The following LRBA variants were observed in gnomAD, a reference collection of about 807,000 sequenced individuals.
LRBA encodes lipopolysaccharide-responsive and beige-like anchor protein.
Under a neutral mutation model 330.0 loss-of-function variants are expected in LRBA, and 176 were observed. The observed-to-expected ratio is 0.53, with a 90% confidence interval of 0.47 to 0.60. The LOEUF (loss-of-function observed/expected upper bound fraction) is 0.60. Among genes scored for constraint, LRBA ranks in the 20% least tolerant of loss-of-function variants. LRBA has a pLI of 0.00. For synonymous variants in LRBA, 1,230 were observed against 1,193.0 expected (o/e 1.03, Z -0.64); for missense variants, 3,259 against 3,444.8 (o/e 0.95, Z 1.35).
chr4:150,480,913 T>C (rs1011792391), intron 42 of LRBA, among the ~76,000 whole-genome samples: 1 of 152,180 alleles, frequency 6.6e-6, no homozygotes, highest in East Asian at 1.9e-4. Context: ...CAGTGTTATA[T>C]AGAACTTTAG....
chr4:150,522,808 C>A (rs1260598402), intron 40 of LRBA, among the ~76,000 whole-genome samples: 2 of 152,198 alleles, frequency 1.3e-5, no homozygotes, highest in Non-Finnish European at 2.9e-5. Context: ...ACTTCTCCAC[C>A]TAGATTTTAA....
chr4:150,424,212 A>G (rs1185084853), intron 46 of LRBA, among the ~76,000 whole-genome samples: 1 of 152,230 alleles, frequency 6.6e-6, no homozygotes, highest in East Asian at 1.9e-4. Context: ...GCACAATTAA[A>G]TAAGAGAGCG....
intron 40 of LRBA, among the ~76,000 whole-genome samples, chr4:150,518,430 T>A (rs1762587509): frequency 6.6e-6 from 1 of 152,220 alleles, no homozygotes; most frequent in East Asian, 1.9e-4. Flanking sequence ...TAACTAAAAC[T>A]ATGGAAAGCA....
intron 2 of LRBA, among the ~76,000 whole-genome samples, chr4:150,935,433 T>C (rs1403932922): frequency 6.6e-6 from 1 of 152,080 alleles, no homozygotes; most frequent in Non-Finnish European, 1.5e-5. Flanking sequence ...AGGAGTGTAT[T>C]AAAACATACA....
chr4:150,312,042 G>T lies in LRBA; in HGVS notation c.7694-1658C>A, dbSNP rs141824115. 1.6e-3 allele frequency among the ~76,000 whole-genome samples: 251 copies of T among 152,138 alleles called. 3 individuals are homozygous for T. The highest frequency in any genetic ancestry group is 5.8e-3 in the African/African-American group (242 of 41,496). ...TCTTGTCAGTGTTTATGTGACTTTT[G>T]CTCCTATGATATAAACTTTCGCTGA... On this transcript the variant is annotated intron_variant, in intron 51 of 56. Transcript: ENST00000651943.
At chr4:150,711,649 C>A (rs575169207) in intron 36 of LRBA, among the ~76,000 whole-genome samples, 1 of 152,098 alleles carries the variant, frequency 6.6e-6, no homozygotes, top group Non-Finnish European at 1.5e-5. Context: ...TCACTACCTT[C>A]TAGAGAATAT....
chr4:150,931,443 C>G (rs1734491957), intron 2 of LRBA, among the ~76,000 whole-genome samples: 1 of 150,856 alleles, frequency 6.6e-6, no homozygotes, highest in Non-Finnish European at 1.5e-5. Flanking sequence ...AAGTGACATG[C>G]AAATAGAACA....
intron 44 of LRBA, among the ~76,000 whole-genome samples, chr4:150,467,304 C>A (rs1755566758): frequency 6.6e-6 from 1 of 152,098 alleles, no homozygotes; most frequent in African/African-American, 2.4e-5. Context: ...AAGAATTAAA[C>A]TTCTATCCTG....
chr4:150,808,974 C>T (rs1743206737), intron 31 of LRBA, among the ~76,000 whole-genome samples: 1 of 152,118 alleles, frequency 6.6e-6, no homozygotes, highest in Non-Finnish European at 1.5e-5. Flanking sequence ...AATAAGGGCC[C>T]TCTTTCCCAA....
chr4:150,977,759 G>A (rs1242384834), intron 2 of LRBA, among the ~76,000 whole-genome samples: 2 of 152,224 alleles, frequency 1.3e-5, no homozygotes, highest in African/African-American at 2.4e-5. Flanking sequence ...GCAGTAACCT[G>A]GCAGTATTCC....
At chr4:150,525,553 AG>A (rs1763373357) in intron 40 of LRBA, among the ~76,000 whole-genome samples, 1 of 152,196 alleles carries the variant, frequency 6.6e-6, no homozygotes, top group South Asian at 2.1e-4. Flanking sequence ...AAGGAACTAC[AG>A]GTTCACTTTA....
intron 38 of LRBA, among the ~76,000 whole-genome samples, chr4:150,594,006 C>A (rs921554877): frequency 6.6e-6 from 1 of 152,018 alleles, no homozygotes; most frequent in African/African-American, 2.4e-5. Context: ...AAGGTAACTT[C>A]TGAATTAAAG....
rs185145121 is a variant in LRBA at position 150,503,805 on chromosome 4, G to A, written c.6331-12770C>T. On this transcript the variant is annotated intron_variant, in intron 40 of 56. Transcript: ENST00000651943. ...GATCAAACTACGCTGAGCTACAGGA[G>A]GAAATTCGAACCAATGGCAAAGAAG... 4.8e-3 allele frequency among the ~76,000 whole-genome samples: 731 copies of A among 152,110 alleles called. 8 individuals carry two copies. Among genetic ancestry groups the A allele is most frequent in the African/African-American group, 0.017 (697 of 41,478 alleles).
intron 55 of LRBA, 76 bp downstream of exon 55, chr4:150,282,374 G>A (rs113716003): frequency 3.4e-5 from 46 of 1,343,896 alleles, no homozygotes; most frequent in South Asian, 1.3e-4. Flanking sequence ...GGTTTCTTTC[G>A]CGAACCCTCT....
At position 150,592,144 on chromosome 4, in the gene LRBA, GT is replaced by G. The variant is rs10685627; in HGVS notation, c.6047-1286del. Among the ~76,000 whole-genome samples, 343 of 65,170 alleles carry G rather than the reference GT, an allele frequency of 5.3e-3. 3 individuals are homozygous for G. Among genetic ancestry groups the G allele is most frequent in the African/African-American group, 0.022 (316 of 14,506 alleles). 42.8% of individuals were successfully genotyped at this position (65,170 alleles called of 152,430 possible). The stretch of plus-strand genomic sequence containing the variant: ...TTGATATGGAAATCGGATGGCTAGG[GT>G]TTTTTTTTTTTTTTTTTTTTTTTTT... On this transcript the variant is annotated intron_variant, in intron 38 of 56. Transcript: ENST00000651943.
chr4:150,376,344 T>C (rs940775904), intron 47 of LRBA, among the ~76,000 whole-genome samples: 4 of 152,196 alleles, frequency 2.6e-5, no homozygotes, highest in South Asian at 2.1e-4. Flanking sequence ...CAGTGATGAA[T>C]AAAACAAAAA....
intron 20 of LRBA, 54 bp from the exon 21 acceptor site, chr4:150,868,359 TAGA>T: frequency 7.5e-7 from 1 of 1,328,924 alleles, no homozygotes; most frequent in Admixed American, 2.0e-5. Context: ...AAACTCATGA[TAGA>T]AGGTCATCCA....
chr4:150,287,539 A>G (rs1222792629), intron 53 of LRBA, among the ~76,000 whole-genome samples: 1 of 152,224 alleles, frequency 6.6e-6, no homozygotes, highest in African/African-American at 2.4e-5. Context: ...AGCTTTTCAC[A>G]GGACAGTTCC....
At chr4:150,416,482 A>G (rs765963074) in intron 46 of LRBA, among the ~76,000 whole-genome samples, 81 of 152,236 alleles carry the variant, frequency 5.3e-4, no homozygotes, top group Non-Finnish European at 9.6e-4. Context: ...TATCACCTCC[A>G]TGATCCATGT....
Sources: gnomAD v4.1 joint callset for allele counts (sites outside exome capture counted in the v4.1 genomes callset) on GRCh38, gnomAD v4.1.1 for gene constraint, MANE v1.5 for transcripts, NCBI Gene and HGNC (gene_info 2026-07-23, HGNC 2026-07-21) for gene names.